The following GNAO1 variants were observed in gnomAD, a reference collection of about 807,000 sequenced individuals.
The protein encoded by GNAO1 is G protein subunit alpha o1.
For synonymous variants in GNAO1, 164 were observed against 180.7 expected, an observed-to-expected ratio of 0.91 and a Z score of 0.74; for missense variants, 166 against 478.7, an observed-to-expected ratio of 0.35 and a Z score of 6.10.
chr16:56,251,664 C>G (rs886815118), intron 2 of GNAO1, among the ~76,000 whole-genome samples: 3 of 152,152 alleles, frequency 2.0e-5, no homozygotes, highest in African/African-American at 7.2e-5. Flanking sequence ...CCTCACCTTC[C>G]TCCCCTTGCC....
intron 4 of GNAO1, among the ~76,000 whole-genome samples, chr16:56,334,123 T>A (rs1355731920): frequency 6.6e-6 from 1 of 152,220 alleles, no homozygotes. Flanking sequence ...GCCCAGCCGC[T>A]GTATGGCTGT....
At chr16:56,355,914 TC>T (rs1248392170) in intron 8 of GNAO1, 188 bp from the exon 9 acceptor site, 1 of 139,998 alleles carries the variant, frequency 7.1e-6, no homozygotes, top group Non-Finnish European at 1.5e-5. Context: ...AGTCAGGGTC[TC>T]AGGGGGGGGC....
intron 3 of GNAO1, among the ~76,000 whole-genome samples, chr16:56,310,170 A>G (rs1278436997): frequency 7.2e-5 from 11 of 152,072 alleles, no homozygotes; most frequent in Admixed American, 7.2e-4. Flanking sequence ...AGAAAAAAAA[A>G]AGAAAAAATC....
At chr16:56,218,579 G>C (rs571196917) in intron 2 of GNAO1, among the ~76,000 whole-genome samples, 3 of 152,328 alleles carry the variant, frequency 2.0e-5, no homozygotes, top group Admixed American at 1.3e-4. Flanking sequence ...GCCCCTGTGA[G>C]AGCTTGACAG....
intron 3 of GNAO1, among the ~76,000 whole-genome samples, chr16:56,278,045 G>T (rs376635001): frequency 6.6e-6 from 1 of 152,006 alleles, no homozygotes; most frequent in South Asian, 2.1e-4. Context: ...CTTGGGAATC[G>T]CTAGGACTAT....
intron 2 of GNAO1, among the ~76,000 whole-genome samples, chr16:56,226,869 G>A (rs1347339299): frequency 6.6e-6 from 1 of 152,200 alleles, no homozygotes; most frequent in Non-Finnish European, 1.5e-5. Context: ...TGCCCCAAGG[G>A]CCGAATCATT....
chr16:56,311,971 A>G lies in GNAO1; in HGVS notation c.304-16660A>G, dbSNP rs546315483. On this transcript the variant is annotated intron_variant, in intron 3 of 8. Coordinates refer to ENST00000262493, the MANE Select transcript of GNAO1 (RefSeq NM_020988.3). The surrounding 1 kb of genome is among the most constrained non-coding windows in gnomAD (Gnocchi z 5.2). ...CGGTTCCCCTGGGTGGGCACCAGCC[A>G]AGCCCTCTGGGAGCTGAGAAGAGCA... 6.9e-4 allele frequency among the ~76,000 whole-genome samples: 105 copies of G among 152,264 alleles called. No individual in the cohort carries two copies. In the South Asian group the frequency reaches 0.022, roughly 32 times the overall value.
chr16:56,243,489 A>G (rs896999440), intron 2 of GNAO1, among the ~76,000 whole-genome samples: 3 of 152,230 alleles, frequency 2.0e-5, no homozygotes. Flanking sequence ...AAAACAACCT[A>G]ACTTAAAAAT....
chr16:56,309,999 T>G (rs1211291410), intron 3 of GNAO1, among the ~76,000 whole-genome samples: 1 of 152,124 alleles, frequency 6.6e-6, no homozygotes, highest in Non-Finnish European at 1.5e-5. Flanking sequence ...TGAAATAAAT[T>G]TAAGTAGAAA....
At chr16:56,269,502 T>C (rs2036993703) in intron 2 of GNAO1, among the ~76,000 whole-genome samples, 1 of 152,178 alleles carries the variant, frequency 6.6e-6, no homozygotes, top group African/African-American at 2.4e-5. Flanking sequence ...GCACTCTACA[T>C]GGATTCATTC....
At chr16:56,192,453 C>T in intron 1 of GNAO1, 100 bp downstream of exon 1, 2 of 952,074 alleles carry the variant, frequency 2.1e-6, no homozygotes, top group South Asian at 2.7e-5. Flanking sequence ...GACCTGGTCC[C>T]CAAGTTGGCA....
chr16:56,331,487 C>A (rs1435050802), intron 4 of GNAO1, among the ~76,000 whole-genome samples: 1 of 152,184 alleles, frequency 6.6e-6, no homozygotes, highest in Non-Finnish European at 1.5e-5. Flanking sequence ...ATAGCCCAGT[C>A]CTATCCTGGG....
At chr16:56,346,140 C>T (rs981965761) in intron 6 of GNAO1, 9 of 985,456 alleles carry the variant, frequency 9.1e-6, no homozygotes, top group Non-Finnish European at 1.1e-5. Context: ...AATCCTCCCA[C>T]CCTAGCCTGG....
intron 3 of GNAO1, among the ~76,000 whole-genome samples, chr16:56,294,450 C>A (rs574818661): frequency 6.6e-5 from 10 of 152,040 alleles, no homozygotes; most frequent in African/African-American, 2.4e-4. Context: ...CCTCTCTTGT[C>A]ACACTTCTTT....
At chr16:56,340,842 G>T in intron 6 of GNAO1, 1 of 1,613,896 alleles carries the variant, frequency 6.2e-7, no homozygotes, top group Non-Finnish European at 8.5e-7. Flanking sequence ...AGAACCGCAT[G>T]CACGAATCCC....
intron 4 of GNAO1, among the ~76,000 whole-genome samples, chr16:56,331,987 G>A (rs1319479352): frequency 6.6e-6 from 1 of 152,030 alleles, no homozygotes; most frequent in Non-Finnish European, 1.5e-5. Context: ...TCGTCCTCCT[G>A]TATCCCACAC....
intron 2 of GNAO1, 117 bp downstream of exon 2, chr16:56,192,733 C>CAT: frequency 1.5e-6 from 1 of 669,276 alleles, no homozygotes; most frequent in Non-Finnish European, 2.8e-6. Flanking sequence ...CGTGCACACA[C>CAT]ACACACACAC....
chr16:56,344,202 T>A, intron 6 of GNAO1: 1 of 1,407,042 alleles, frequency 7.1e-7, no homozygotes, highest in South Asian at 1.6e-5. Context: ...AGCCTCTGTG[T>A]CATCTCTGAG....
chr16:56,210,754 T>C (rs908798102), intron 2 of GNAO1, among the ~76,000 whole-genome samples: 14 of 152,240 alleles, frequency 9.2e-5, no homozygotes, highest in Non-Finnish European at 1.9e-4. Context: ...GGCCCACTTT[T>C]TAATTGGGTC....
Sources: gnomAD v4.1 joint callset for allele counts (sites outside exome capture counted in the v4.1 genomes callset) on GRCh38, gnomAD v4.1.1 for gene constraint, Gnocchi (gnomAD v3.1) non-coding constraint, MANE v1.5 for transcripts, NCBI Gene and HGNC (gene_info 2026-07-23, HGNC 2026-07-21) for gene names.